PSTPIP1: variants seen among roughly 807,000 people sequenced by gnomAD.
PSTPIP1 encodes proline-serine-threonine phosphatase-interacting protein 1.
A neutral mutation model predicts 69.6 loss-of-function variants in PSTPIP1; 66 were observed. The observed-to-expected ratio is 0.95, with a 90% CI of 0.78 to 1.16. The LOEUF (loss-of-function observed/expected upper bound fraction) is 1.16, where lower values mean the gene tolerates loss of function less well. Ranked by LOEUF, PSTPIP1 falls within the 50% of genes most tolerant of loss-of-function variation. The pLI is 0.00. For missense variants in PSTPIP1, 603 were observed against 557.4 expected, an observed-to-expected ratio of 1.08 and a Z score of -0.82; for synonymous variants, 266 against 222.7, an observed-to-expected ratio of 1.19 and a Z score of -1.73.
chr15:77,025,735 A>G, intron 5 of PSTPIP1, 131 bp downstream of exon 5: 1 of 777,112 alleles, frequency 1.3e-6, no homozygotes, highest in South Asian at 1.7e-5. Context: ...ACAGCACTCC[A>G]GGCTTTGGGG....
At position 77,034,145 on chromosome 15, in the gene PSTPIP1, A is replaced by AG. The variant is rs752420721; in HGVS notation, c.929+1195dup. Among the ~76,000 whole-genome samples, 7 of 152,198 alleles carry AG rather than the reference A, an allele frequency of 4.6e-5. No individual in the cohort carries two copies. In the South Asian group the frequency reaches 1.0e-3, roughly 23 times the overall value. ...CTAGAAGCCAGGCAGGACTGGGAAGAGGCGGGGGTCAGTGACTGGGAGTCA... is the reference window on the plus strand; with the variant it reads ...CTAGAAGCCAGGCAGGACTGGGAAGAGGGCGGGGGTCAGTGACTGGGAGTCA... On this transcript the variant is annotated intron_variant, in intron 12 of 14. Transcript: ENST00000558012.
Position 77,028,710 on chromosome 15 carries a change from A to C in PSTPIP1, c.516+58A>C, listed in dbSNP as rs531324847. 203 of 1,388,818 alleles carry C rather than the reference A, an allele frequency of 1.5e-4. No individual in the cohort carries two copies. In the African/African-American group the frequency reaches 2.8e-3, roughly 19 times the overall value. The allele number at this position is 1,388,818 out of a possible 1,614,324, so 86.0% of individuals were successfully genotyped here. ...CAGGGCTGGGGGCAGTGGGGGAGGC[A>C]AGGAAGGGGTGCCGTAGACACCCCC... On this transcript the variant is annotated intron_variant, in intron 7 of 14. Coordinates refer to ENST00000558012, the MANE Select transcript of PSTPIP1 (RefSeq NM_003978.5).
chr15:77,037,184 C>T lies in PSTPIP1; in HGVS notation c.*8C>T, dbSNP rs779260117. On this transcript the variant is annotated 3_prime_UTR_variant, in exon 15 of 15. Coordinates refer to ENST00000558012, the MANE Select transcript of PSTPIP1 (RefSeq NM_003978.5). ...TACCTGGAGAAGCTTTGAGGAAGGGCCAGGAGCCCCTTCGGACCTGCCCTG... is the reference window on the plus strand; with the variant it reads ...TACCTGGAGAAGCTTTGAGGAAGGGTCAGGAGCCCCTTCGGACCTGCCCTG... The T allele has an allele frequency of 4.4e-6, 7 of 1,594,344 alleles. No individual in the cohort carries two copies. In the Admixed American group the frequency reaches 1.2e-4, roughly 28 times the overall value.
In PSTPIP1 at chr15:77,018,178, G is replaced by A. The variant is rs1246839429; in HGVS notation, c.67G>A (p.Glu23Lys). The A allele has an allele frequency of 3.1e-6, 5 of 1,589,722 alleles. No homozygotes were observed. Among genetic ancestry groups the A allele is most frequent in the Non-Finnish European group, 4.3e-6 (5 of 1,168,850 alleles). The part of the protein sequence containing the change: ...CRDFTAHTGY[E>K]VLLQRLLDGR... ...GGACTTCACAGCCCACACGGGCTACGAGGTGCTGCTGCAGCGGCTTCTGGA... is the reference window on the plus strand; with the variant it reads ...GGACTTCACAGCCCACACGGGCTACAAGGTGCTGCTGCAGCGGCTTCTGGA... Residue 23 changes from glutamate to lysine, a missense_variant, in exon 2 of 15, where the codon GAG becomes AAG. Coordinates refer to ENST00000558012, the MANE Select transcript of PSTPIP1 (RefSeq NM_003978.5).
intron 1 of PSTPIP1, among the ~76,000 whole-genome samples, chr15:77,011,691 C>T (rs1596068121): frequency 1.3e-5 from 2 of 152,146 alleles, no homozygotes; most frequent in South Asian, 2.1e-4. Flanking sequence ...ATACATGGAT[C>T]GCAGCAGTAC....
intron 3 of PSTPIP1, among the ~76,000 whole-genome samples, chr15:77,019,757 G>C (rs1191864749): frequency 9.1e-6 from 1 of 109,790 alleles, no homozygotes; most frequent in Admixed American, 8.7e-5. Flanking sequence ...TGAGGGCCGG[G>C]TGCAGGCTGG....
intron 1 of PSTPIP1, among the ~76,000 whole-genome samples, chr15:76,999,246 A>G (rs1311989007): frequency 1.3e-5 from 2 of 151,472 alleles, no homozygotes; most frequent in Admixed American, 6.6e-5. Context: ...TCCATGGTCC[A>G]TCTCCCTTCC....
intron 1 of PSTPIP1, among the ~76,000 whole-genome samples, chr15:77,017,772 T>C (rs1167263205): frequency 6.6e-6 from 1 of 152,140 alleles, no homozygotes. Context: ...GAGATAGGGA[T>C]ATTGGAAGGG....
chr15:77,023,073 G>A (rs752385734), intron 3 of PSTPIP1, among the ~76,000 whole-genome samples: 9 of 152,248 alleles, frequency 5.9e-5, no homozygotes, highest in African/African-American at 1.2e-4. Context: ...GCTGGGAAAA[G>A]GGCCAGCAGC....
intron 1 of PSTPIP1, among the ~76,000 whole-genome samples, chr15:77,001,970 C>G (rs2075718672): frequency 6.6e-6 from 1 of 152,128 alleles, no homozygotes; most frequent in Admixed American, 6.5e-5. Context: ...ATTAATTATT[C>G]AAAAATTAAA....
At position 77,026,950 on chromosome 15, in the gene PSTPIP1, G is replaced by A. The variant is rs367859628; in HGVS notation, c.355-902G>A. On this transcript the variant is annotated intron_variant, in intron 5 of 14. Coordinates refer to ENST00000558012, the MANE Select transcript of PSTPIP1 (RefSeq NM_003978.5). ...AAGTGGCCAGGGCCCCGCAGGCAGA[G>A]CGCTGTGTTGTAGTGTGTGCCATGT... 5.9e-5 allele frequency among the ~76,000 whole-genome samples: 9 copies of A among 152,388 alleles called. No homozygotes were observed. The East Asian group carries it at 7.7e-4, about 13-fold the overall frequency.
At chr15:77,004,083 C>G (rs148506169) in intron 1 of PSTPIP1, among the ~76,000 whole-genome samples, 30 of 152,316 alleles carry the variant, frequency 2.0e-4, no homozygotes, top group African/African-American at 7.0e-4. Context: ...CAACAATAGT[C>G]CTGTGAGGTC....
chr15:77,037,404 AG>A lies in PSTPIP1; in HGVS notation c.*230del. On this transcript the variant is annotated 3_prime_UTR_variant, in exon 15 of 15. Transcript: ENST00000558012. ...CGAGTGCTCAGTTCAGAGGAGGCAAAGGAACAAGGGAAGGAGCCTGGATGTG... is the reference window on the plus strand; with the variant it reads ...CGAGTGCTCAGTTCAGAGGAGGCAAAGAACAAGGGAAGGAGCCTGGATGTG... 1 of 477,670 alleles carries A rather than the reference AG, an allele frequency of 2.1e-6. No individual in the cohort carries two copies. The highest frequency in any genetic ancestry group is 3.6e-6 in the Non-Finnish European group (1 of 276,518). The allele number at this position is 477,670 out of a possible 1,614,324, so 29.6% of individuals were successfully genotyped here.
At chr15:77,013,196 T>G (rs1302455097) in intron 1 of PSTPIP1, among the ~76,000 whole-genome samples, 1 of 152,220 alleles carries the variant, frequency 6.6e-6, no homozygotes, top group Non-Finnish European at 1.5e-5. Context: ...CTTCCCCACC[T>G]GTGGCCCATG....
At chr15:77,000,821 G>A (rs1244514072) in intron 1 of PSTPIP1, among the ~76,000 whole-genome samples, 3 of 152,104 alleles carry the variant, frequency 2.0e-5, no homozygotes, top group African/African-American at 7.2e-5. Context: ...GATTACAGGC[G>A]TGAGCCACCA....
chr15:77,024,318 C>T (rs1295200658), intron 3 of PSTPIP1: 3 of 152,370 alleles, frequency 2.0e-5, no homozygotes, highest in African/African-American at 4.8e-5. Flanking sequence ...GGCCTGGATC[C>T]CCAGGCTCCT....
At chr15:77,030,403 G>A in intron 8 of PSTPIP1, 99 bp from the exon 9 acceptor site, 7 of 1,269,086 alleles carry the variant, frequency 5.5e-6, no homozygotes, top group African/African-American at 1.5e-5. Context: ...GGGGAGGCGG[G>A]GCTCCCAGTG....
chr15:77,025,385 A>G, intron 4 of PSTPIP1, 67 bp downstream of exon 4: 1 of 1,579,192 alleles, frequency 6.3e-7, no homozygotes, highest in African/African-American at 1.4e-5. Flanking sequence ...GTTTGGGGGG[A>G]CAGAAGATGA....
Position 77,014,163 on chromosome 15 carries a change from G to A in PSTPIP1, c.37-3985G>A, listed in dbSNP as rs947866098. Among the ~76,000 whole-genome samples the A allele has an allele frequency of 3.3e-5, 5 of 152,158 alleles. 1 individual carries two copies. In the South Asian group the frequency reaches 8.3e-4, roughly 25 times the overall value. On this transcript the variant is annotated intron_variant, in intron 1 of 14. Coordinates refer to ENST00000558012, the MANE Select transcript of PSTPIP1 (RefSeq NM_003978.5). ...TCTGGGTTATATCCCAGCTGCACCC[G>A]GCAGGTCCCTGGGCAGATTGGGTAA...
Sources: gnomAD v4.1 joint callset for allele counts (sites outside exome capture counted in the v4.1 genomes callset) on GRCh38, gnomAD v4.1.1 for gene constraint, MANE v1.5 for transcripts, NCBI Gene and HGNC (gene_info 2026-07-23, HGNC 2026-07-21) for gene names.